Variants in GLRB observed in about 807,000 individuals in gnomAD.
The protein encoded by GLRB is glycine receptor subunit beta.
In GLRB, 33 loss-of-function variants were observed where a neutral mutation model predicts 54.2. The observed-to-expected ratio is 0.61, with a 90% CI of 0.46 to 0.81. The LOEUF is 0.81. Among genes scored for constraint, GLRB ranks in the 40% least tolerant of loss-of-function variants. The pLI is 0.00. For synonymous variants in GLRB, 209 were observed against 208.2 expected (o/e 1.00, Z -0.03); for missense variants, 572 against 584.6 (o/e 0.98, Z 0.22).
intron 1 of GLRB, 30 bp downstream of exon 1, chr4:157,076,327 G>C (rs1446528609): frequency 6.6e-6 from 1 of 151,684 alleles, no homozygotes; most frequent in African/African-American, 2.4e-5. Context: ...CTTAGGAGGA[G>C]GGGACGCGGG....
At chr4:157,166,036 AT>A (rs1433046012) in intron 9 of GLRB, among the ~76,000 whole-genome samples, 1 of 152,044 alleles carries the variant, frequency 6.6e-6, no homozygotes, top group Non-Finnish European at 1.5e-5. Flanking sequence ...GCATAAAGTT[AT>A]TTGCTTTTAA....
At chr4:157,111,269 G>A (rs1485069478) in intron 2 of GLRB, among the ~76,000 whole-genome samples, 1 of 152,000 alleles carries the variant, frequency 6.6e-6, no homozygotes, top group African/African-American at 2.4e-5. Context: ...TGAGCTTTGG[G>A]GAGGAGCTGT....
intron 4 of GLRB, among the ~76,000 whole-genome samples, chr4:157,131,171 G>A (rs1736201783): frequency 6.6e-6 from 1 of 151,690 alleles, no homozygotes; most frequent in African/African-American, 2.4e-5. Context: ...ACTAAGGTGG[G>A]CTTGTTAGAC....
chr4:157,143,762 G>T, intron 7 of GLRB, 45 bp from the exon 8 acceptor site: 1 of 1,582,276 alleles, frequency 6.3e-7, no homozygotes, highest in Admixed American at 1.7e-5. Context: ...TTGCCATTCT[G>T]TGTGGGTGAA....
chr4:157,079,770 A>G (rs1734160674), intron 2 of GLRB, among the ~76,000 whole-genome samples: 1 of 152,172 alleles, frequency 6.6e-6, no homozygotes, highest in Non-Finnish European at 1.5e-5. Flanking sequence ...GGAACTGGAC[A>G]TTGTCAGGCC....
At chr4:157,135,135 T>A (rs896435922) in intron 4 of GLRB, among the ~76,000 whole-genome samples, 5 of 152,086 alleles carry the variant, frequency 3.3e-5, no homozygotes, top group Admixed American at 3.3e-4. Flanking sequence ...GATATAAGGG[T>A]CATTGATCAC....
At chr4:157,118,574 T>A (rs1296958505) in intron 2 of GLRB, among the ~76,000 whole-genome samples, 1 of 151,398 alleles carries the variant, frequency 6.6e-6, no homozygotes, top group Non-Finnish European at 1.5e-5. Flanking sequence ...TTTTGGGAGG[T>A]CTAACTGATT....
chr4:157,098,759 C>T (rs1734908504), intron 2 of GLRB, among the ~76,000 whole-genome samples: 1 of 152,014 alleles, frequency 6.6e-6, no homozygotes. Context: ...GCATGCACCA[C>T]CATGCTGGCT....
chr4:157,127,713 G>T (rs57099175), intron 4 of GLRB, among the ~76,000 whole-genome samples: 1 of 151,932 alleles, frequency 6.6e-6, no homozygotes, highest in South Asian at 2.1e-4. Context: ...TGAAGCAGTT[G>T]TCATGCAAGG....
At chr4:157,166,961 G>A (rs991270077) in intron 9 of GLRB, among the ~76,000 whole-genome samples, 1 of 152,010 alleles carries the variant, frequency 6.6e-6, no homozygotes, top group East Asian at 1.9e-4. Flanking sequence ...TTGTGGCCTA[G>A]GTTATAATAT....
chr4:157,109,188 G>T (rs1735331378), intron 2 of GLRB, among the ~76,000 whole-genome samples: 1 of 151,928 alleles, frequency 6.6e-6, no homozygotes, highest in Non-Finnish European at 1.5e-5. Flanking sequence ...TATGTCTGAG[G>T]TATGGCTGTA....
intron 9 of GLRB, among the ~76,000 whole-genome samples, chr4:157,158,897 A>T (rs933336875): frequency 5.9e-5 from 9 of 152,176 alleles, no homozygotes; most frequent in African/African-American, 2.2e-4. Flanking sequence ...ATGGGATGGC[A>T]TTGAATCTAT....
intron 4 of GLRB, 115 bp from the exon 5 acceptor site, chr4:157,136,354 A>C (rs1736397492): frequency 1.4e-6 from 1 of 695,418 alleles, no homozygotes; most frequent in Non-Finnish European, 2.6e-6. Flanking sequence ...TTGATGTTGG[A>C]AGAACAAAAA....
chr4:157,148,374 A>G (rs1413006978), intron 8 of GLRB, among the ~76,000 whole-genome samples: 1 of 151,906 alleles, frequency 6.6e-6, no homozygotes, highest in African/African-American at 2.4e-5. Flanking sequence ...CTTTTTATTG[A>G]TTTTTAGCTA....
chr4:157,170,586 C>A lies in GLRB; in HGVS notation c.1352C>A (p.Ser451Tyr). 3 of 1,613,534 alleles carry A rather than the reference C, an allele frequency of 1.9e-6. No individual in the cohort carries two copies. Among genetic ancestry groups the A allele is most frequent in the Non-Finnish European group, 2.5e-6 (3 of 1,179,586 alleles). The change falls in exon 10 of 10, where the codon TCT becomes TAT. Residue 451 changes from serine (S) to tyrosine (Y), a missense_variant. Physicochemically the swap from Ser to Tyr is moderately radical, Grantham distance 144. Transcript: ENST00000264428. Reference protein sequence around the residue: ...PIEVNNGLGKSQAKNNKKPPP... With the variant: ...PIEVNNGLGKYQAKNNKKPPP... ...GAAGTTAACAACGGACTTGGGAAAT[C>A]TCAGGCTAAGAACAACAAGAAGCCT...
At chr4:157,121,825 T>A (rs1735833253) in intron 3 of GLRB, among the ~76,000 whole-genome samples, 1 of 151,756 alleles carries the variant, frequency 6.6e-6, no homozygotes, top group Non-Finnish European at 1.5e-5. Context: ...ATAATGACTC[T>A]GCTATGTGTC....
At chr4:157,084,824 A>G in intron 2 of GLRB, 1 of 371,254 alleles carries the variant, frequency 2.7e-6, no homozygotes, top group Non-Finnish European at 5.3e-6. Flanking sequence ...TGTCTCCTTT[A>G]TCTTCTATTC....
chr4:157,120,970 T>C (rs1735795843), intron 3 of GLRB, among the ~76,000 whole-genome samples: 1 of 151,626 alleles, frequency 6.6e-6, no homozygotes, highest in Admixed American at 6.6e-5. Context: ...ACCTTAGTGG[T>C]TTAAAATTTA....
chr4:157,094,196 C>T (rs1443939210), intron 2 of GLRB, among the ~76,000 whole-genome samples: 1 of 152,190 alleles, frequency 6.6e-6, no homozygotes, highest in Admixed American at 6.5e-5. Flanking sequence ...ATGTCCAAAA[C>T]ATTAGACATC....
Sources: gnomAD v4.1 joint callset for allele counts (sites outside exome capture counted in the v4.1 genomes callset) on GRCh38, gnomAD v4.1.1 for gene constraint, MANE v1.5 for transcripts, NCBI Gene and HGNC (gene_info 2026-07-23, HGNC 2026-07-21) for gene names.